Variants in ZC3H12C observed in about 807,000 individuals in gnomAD.
ZC3H12C encodes probable ribonuclease ZC3H12C.
Under a neutral mutation model 76.3 loss-of-function variants are expected in ZC3H12C, and 20 were observed. The ratio of observed to expected loss-of-function variants is 0.26; its 90% CI spans 0.18 to 0.38. The LOEUF is 0.38. Ranked by LOEUF, ZC3H12C falls within the 10% of genes least tolerant of loss-of-function variation. The pLI, the probability that ZC3H12C is intolerant of heterozygous loss-of-function variation, is 1.00. For synonymous variants in ZC3H12C, 352 were observed against 399.6 expected, an observed-to-expected ratio of 0.88 and a Z score of 1.42; for missense variants, 874 against 1,086.5, an observed-to-expected ratio of 0.80 and a Z score of 2.75.
At chr11:110,122,499 G>A (rs1398968676) in intron 1 of ZC3H12C, among the ~76,000 whole-genome samples, 1 of 152,106 alleles carries the variant, frequency 6.6e-6, no homozygotes, top group African/African-American at 2.4e-5. Context: ...ACCACCCACA[G>A]TGGATGCCTG....
intron 1 of ZC3H12C, among the ~76,000 whole-genome samples, chr11:110,122,866 T>C (rs1291680257): frequency 6.6e-6 from 1 of 152,236 alleles, no homozygotes; most frequent in Admixed American, 6.5e-5. Context: ...AACCCCATTG[T>C]AAATCAAGGT....
chr11:110,147,457 G>A (rs887794514), intron 2 of ZC3H12C, among the ~76,000 whole-genome samples: 2 of 151,998 alleles, frequency 1.3e-5, no homozygotes, highest in South Asian at 2.1e-4. Context: ...TCAGGGGGTC[G>A]GAGGGAAGGG....
In ZC3H12C at chr11:110,118,061, A is replaced by G. The variant is rs1006294757; in HGVS notation, c.22-18602A>G. ...ATATATACACATATATATTATATAT[A>G]TACACACACACATATATATTATATA... On this transcript the variant is annotated intron_variant, in intron 1 of 5. Transcript: ENST00000278590. Among the ~76,000 whole-genome samples the G allele has an allele frequency of 5.8e-5, 4 of 68,840 alleles. 1 individual carries two copies. Among genetic ancestry groups the G allele is most frequent in the Non-Finnish European group, 1.2e-4 (4 of 33,560 alleles). The allele number at this position is 68,840 out of a possible 152,430, so 45.2% of individuals were successfully genotyped here. A position where few individuals can be genotyped will look rare whatever the true frequency, so the allele number is the denominator to read the frequency against.
At chr11:110,133,390 C>T (rs768085977) in intron 1 of ZC3H12C, among the ~76,000 whole-genome samples, 38 of 152,074 alleles carry the variant, frequency 2.5e-4, no homozygotes, top group Non-Finnish European at 1.0e-4. Context: ...GTTTAGTACA[C>T]GATGACATTG....
At chr11:110,113,079 C>G (rs1281437014) in intron 1 of ZC3H12C, among the ~76,000 whole-genome samples, 5 of 152,146 alleles carry the variant, frequency 3.3e-5, no homozygotes, top group African/African-American at 4.8e-5. Context: ...AATAATCCTT[C>G]TATATCTTAT....
chr11:110,103,993 ATTC>A (rs1861270315), intron 1 of ZC3H12C, among the ~76,000 whole-genome samples: 1 of 147,544 alleles, frequency 6.8e-6, no homozygotes, highest in African/African-American at 2.5e-5. Flanking sequence ...ACAGGAAACA[ATTC>A]TTTTTTTTTT....
chr11:110,095,449 T>A lies in ZC3H12C; in HGVS notation c.21+2017T>A, dbSNP rs550036858. The stretch of plus-strand genomic sequence containing the variant: ...TTAGAATTCTTTAATTCTGATTTGA[T>A]AGCATTTTTAAAGAAACAAACAAGG... On this transcript the variant is annotated intron_variant, in intron 1 of 5. Coordinates refer to ENST00000278590, the MANE Select transcript of ZC3H12C (RefSeq NM_033390.2). Among the ~76,000 whole-genome samples the A allele has an allele frequency of 1.4e-4, 22 of 152,372 alleles. No individual in the cohort carries two copies. In the South Asian group the frequency reaches 4.6e-3, roughly 32 times the overall value.
intron 2 of ZC3H12C, among the ~76,000 whole-genome samples, chr11:110,146,715 G>A (rs1273879407): frequency 6.6e-6 from 1 of 152,164 alleles, no homozygotes; most frequent in Non-Finnish European, 1.5e-5. Flanking sequence ...AGGTAACACT[G>A]CAGTCTTAAG....
chr11:110,130,177 A>G lies in ZC3H12C; in HGVS notation c.22-6486A>G, dbSNP rs375463065. ...ATAGTAAAAAAAATTTTACACTGCT[A>G]TTGGCATACATAGGATAGGTTATTC... is the stretch of plus-strand genomic sequence containing the variant. On this transcript the variant is annotated intron_variant, in intron 1 of 5. Coordinates refer to ENST00000278590, the MANE Select transcript of ZC3H12C (RefSeq NM_033390.2). 2.8e-3 allele frequency among the ~76,000 whole-genome samples: 426 copies of G among 152,314 alleles called. 1 individual carries two copies. The highest frequency in any genetic ancestry group is 0.012 in the South Asian group (56 of 4,834).
chr11:110,146,741 C>T (rs1316602919), intron 2 of ZC3H12C, among the ~76,000 whole-genome samples: 1 of 152,156 alleles, frequency 6.6e-6, no homozygotes. Flanking sequence ...TTGTCTTTAT[C>T]TTTCTACATT....
chr11:110,102,500 T>C (rs1861235434), intron 1 of ZC3H12C, among the ~76,000 whole-genome samples: 1 of 152,072 alleles, frequency 6.6e-6, no homozygotes, highest in African/African-American at 2.4e-5. Flanking sequence ...AGGAGTTGTG[T>C]CTTCTGGATA....
intron 1 of ZC3H12C, among the ~76,000 whole-genome samples, chr11:110,127,758 T>C (rs1410564576): frequency 6.6e-6 from 1 of 151,908 alleles, no homozygotes; most frequent in Non-Finnish European, 1.5e-5. Context: ...TAGCTGGGCG[T>C]GGTGGCTGGG....
intron 5 of ZC3H12C, among the ~76,000 whole-genome samples, chr11:110,163,788 C>G (rs1007788579): frequency 1.3e-5 from 2 of 151,972 alleles, no homozygotes; most frequent in Non-Finnish European, 2.9e-5. Flanking sequence ...GTTGAGGACA[C>G]GGAGGTATTA....
intron 2 of ZC3H12C, among the ~76,000 whole-genome samples, chr11:110,151,834 C>T (rs113771527): frequency 3.9e-5 from 6 of 152,062 alleles, no homozygotes; most frequent in Non-Finnish European, 8.8e-5. Flanking sequence ...TTGGAGCCTT[C>T]GACATCTACA....
rs78147237 is a variant in ZC3H12C at position 110,099,059 on chromosome 11, C to G, written c.21+5627C>G. Among the ~76,000 whole-genome samples the G allele has an allele frequency of 2.2e-3, 338 of 152,314 alleles. 8 individuals carry two copies. The East Asian group carries it at 0.051, about 23-fold the overall frequency. ...ACTTGATATCCTACATTCGCTCTCT[C>G]ATTTAACGTACACTAAGGATTTTCT... is the stretch of plus-strand genomic sequence containing the variant. On this transcript the variant is annotated intron_variant, in intron 1 of 5. Coordinates refer to ENST00000278590, the MANE Select transcript of ZC3H12C (RefSeq NM_033390.2).
intron 3 of ZC3H12C, among the ~76,000 whole-genome samples, chr11:110,153,407 C>T (rs796636272): frequency 3.9e-5 from 6 of 152,228 alleles, no homozygotes; most frequent in African/African-American, 1.2e-4. Flanking sequence ...AGGCTGGTCT[C>T]GAACTCCTGA....
intron 1 of ZC3H12C, among the ~76,000 whole-genome samples, chr11:110,122,559 C>A (rs1565254193): frequency 2.0e-5 from 3 of 152,144 alleles, no homozygotes; most frequent in African/African-American, 7.2e-5. Flanking sequence ...GATGGTTGTT[C>A]ACCTTAAGAT....
intron 1 of ZC3H12C, 129 bp downstream of exon 1, chr11:110,093,561 C>T (rs1861050615): frequency 3.2e-6 from 2 of 625,342 alleles, no homozygotes; most frequent in Non-Finnish European, 2.2e-6. Flanking sequence ...GCAGCGACCT[C>T]GCCGTGTGAT....
chr11:110,104,918 T>A (rs1413135450), intron 1 of ZC3H12C, among the ~76,000 whole-genome samples: 1 of 152,238 alleles, frequency 6.6e-6, no homozygotes, highest in African/African-American at 2.4e-5. Context: ...AATAATCAGA[T>A]ACAAAATCAA....
Sources: gnomAD v4.1 joint callset for allele counts (sites outside exome capture counted in the v4.1 genomes callset) on GRCh38, gnomAD v4.1.1 for gene constraint, MANE v1.5 for transcripts, NCBI Gene and HGNC (gene_info 2026-07-23, HGNC 2026-07-21) for gene names.